Variants in TSPAN15 observed in about 807,000 individuals in gnomAD.
The protein encoded by TSPAN15 is tetraspanin-15.
In TSPAN15, 20 loss-of-function variants were observed where a neutral mutation model predicts 34.5. The ratio of observed to expected loss-of-function variants is 0.58; its 90% CI spans 0.41 to 0.84. TSPAN15 has a LOEUF of 0.84. Among genes scored for constraint, TSPAN15 ranks in the 40% least tolerant of loss-of-function variants. TSPAN15 has a pLI of 0.00. For synonymous variants in TSPAN15, 155 were observed against 153.9 expected, an observed-to-expected ratio of 1.01 and a Z score of -0.05; for missense variants, 313 against 386.1, an observed-to-expected ratio of 0.81 and a Z score of 1.59.
chr10:69,525,000 C>T, the TSPAN15 span, among the ~76,000 whole-genome samples: 4 of 147,696 alleles, frequency 2.7e-5, no homozygotes, highest in African/African-American at 9.8e-5. Flanking sequence ...AGGCTGGTCT[C>T]GAACTCCTAA....
At chr10:69,482,208 C>A (rs1415510408) in intron 1 of TSPAN15, among the ~76,000 whole-genome samples, 1 of 152,134 alleles carries the variant, frequency 6.6e-6, no homozygotes, top group Non-Finnish European at 1.5e-5. Flanking sequence ...CCCTGAAGGG[C>A]CTCCCTTTGC....
intron 3 of TSPAN15, 103 bp from the exon 4 acceptor site, chr10:69,495,491 A>G: frequency 1.2e-6 from 1 of 837,862 alleles, no homozygotes; most frequent in Non-Finnish European, 2.0e-6. Context: ...CGCGAGCTGC[A>G]TTGGCACAAG....
chr10:69,513,929 G>T, the TSPAN15 span, among the ~76,000 whole-genome samples: 1 of 152,164 alleles, frequency 6.6e-6, no homozygotes, highest in Non-Finnish European at 1.5e-5. Flanking sequence ...ACTACGTTTT[G>T]GTCAATGTTG....
chr10:69,511,125 T>C (rs1029236968), downstream of TSPAN15, among the ~76,000 whole-genome samples: 1 of 152,224 alleles, frequency 6.6e-6, no homozygotes, highest in Non-Finnish European at 1.5e-5. Context: ...CTTTTTCTGT[T>C]GTTTGGAATA....
At chr10:69,540,545 C>G in the TSPAN15 span, among the ~76,000 whole-genome samples, 1 of 152,088 alleles carries the variant, frequency 6.6e-6, no homozygotes, top group Non-Finnish European at 1.5e-5. Flanking sequence ...AGGTCCCCAG[C>G]GACAAAATGT....
At chr10:69,526,274 G>T in the TSPAN15 span, among the ~76,000 whole-genome samples, 81,185 of 146,716 alleles carry the variant, frequency 0.55, 25,769 homozygotes, top group African/African-American at 0.65. Flanking sequence ...TAAAAATATC[G>T]CAAATAGGTC....
intron 1 of TSPAN15, among the ~76,000 whole-genome samples, chr10:69,483,240 G>A (rs1005382690): frequency 1.8e-4 from 27 of 152,082 alleles, no homozygotes; most frequent in African/African-American, 5.3e-4. Context: ...TGCCCGCCTC[G>A]GCCTCCCAAA....
chr10:69,501,032 G>A (rs901187653), intron 5 of TSPAN15, among the ~76,000 whole-genome samples: 14 of 152,132 alleles, frequency 9.2e-5, no homozygotes, highest in South Asian at 2.1e-4. Flanking sequence ...AGATGTGGGC[G>A]ATGAATGAAA....
At chr10:69,473,968 A>G (rs940268285) in intron 1 of TSPAN15, among the ~76,000 whole-genome samples, 2 of 152,210 alleles carry the variant, frequency 1.3e-5, no homozygotes, top group African/African-American at 4.8e-5. Flanking sequence ...TCTTTTTTAT[A>G]TAGGAAACTA....
chr10:69,521,680 T>C, the TSPAN15 span, among the ~76,000 whole-genome samples: 23 of 147,948 alleles, frequency 1.6e-4, 1 homozygote, highest in Non-Finnish European at 3.1e-4. Context: ...TGAGACATCA[T>C]CTTTTTCTGC....
At chr10:69,476,813 C>T (rs1384288620) in intron 1 of TSPAN15, among the ~76,000 whole-genome samples, 1 of 151,952 alleles carries the variant, frequency 6.6e-6, no homozygotes, top group Non-Finnish European at 1.5e-5. Context: ...TGTGGGGGAG[C>T]CCCGTTCCTC....
the TSPAN15 span, among the ~76,000 whole-genome samples, chr10:69,541,040 G>A: frequency 1.3e-5 from 2 of 152,172 alleles, no homozygotes; most frequent in Non-Finnish European, 2.9e-5. Flanking sequence ...GAGGTGCCAG[G>A]TGAATTTTCC....
intron 1 of TSPAN15, among the ~76,000 whole-genome samples, chr10:69,482,078 A>G (rs1322994298): frequency 6.6e-6 from 1 of 152,162 alleles, no homozygotes; most frequent in East Asian, 1.9e-4. Flanking sequence ...CAAAAAAAAA[A>G]AAAACCAACC....
downstream of TSPAN15, among the ~76,000 whole-genome samples, chr10:69,512,259 A>T (rs986234450): frequency 7.2e-5 from 11 of 152,310 alleles, no homozygotes; most frequent in Non-Finnish European, 1.6e-4. Flanking sequence ...CCACACCATG[A>T]CACACATAGA....
At chr10:69,485,540 G>T (rs1841833932) in intron 3 of TSPAN15, among the ~76,000 whole-genome samples, 2 of 152,150 alleles carry the variant, frequency 1.3e-5, no homozygotes, top group Admixed American at 1.3e-4. Flanking sequence ...GTGGCTGAGG[G>T]TAGGTGGGGT....
At chr10:69,465,919 G>T (rs946056496) in intron 1 of TSPAN15, among the ~76,000 whole-genome samples, 7 of 152,244 alleles carry the variant, frequency 4.6e-5, no homozygotes, top group African/African-American at 1.7e-4. Context: ...TTACGTAGAA[G>T]TTACAAGACA....
rs573633424 is a variant in TSPAN15, at chr10:69,507,134, T to C, written c.*156T>C. ...GCCTGTGTGTAGGTCCCACGGCCTC[T>C]GCCTCCCCAGGGAGCAGAGCCTGGG... On this transcript the variant is annotated 3_prime_UTR_variant, in exon 8 of 8. Coordinates refer to ENST00000373290, the MANE Select transcript of TSPAN15 (RefSeq NM_012339.5). 29 of 1,447,596 alleles carry C rather than the reference T, an allele frequency of 2.0e-5. No homozygotes were observed. The South Asian group carries it at 3.9e-4, about 20-fold the overall frequency. 89.7% of individuals were successfully genotyped at this position (1,447,596 alleles called of 1,614,324 possible).
the TSPAN15 span, among the ~76,000 whole-genome samples, chr10:69,530,779 A>ACTCTCT: frequency 2.1e-3 from 106 of 49,950 alleles, 2 homozygotes; most frequent in African/African-American, 2.7e-3. Flanking sequence ...ACAGAGTGAG[A>ACTCTCT]CTCTCTCTCT....
the TSPAN15 span, chr10:69,523,349 C>A: frequency 3.6e-6 from 2 of 551,082 alleles, no homozygotes; most frequent in South Asian, 1.8e-5. Flanking sequence ...AGCAGGCTCC[C>A]TCCCACAGGG....
Sources: allele counts gnomAD v4.1 joint callset (sites outside exome capture counted in the v4.1 genomes callset), GRCh38; gene constraint gnomAD v4.1.1; transcripts MANE v1.5; gene names NCBI Gene and HGNC (gene_info 2026-07-23, HGNC 2026-07-21).